The following SLIT2 variants were observed in gnomAD, a reference collection of about 807,000 sequenced individuals.
SLIT2 encodes the protein slit guidance ligand 2.
Under a neutral mutation model 185.7 loss-of-function variants are expected in SLIT2, and 41 were observed. The observed-to-expected ratio is 0.22, with a 90% confidence interval of 0.17 to 0.29. SLIT2 has a LOEUF of 0.29. Ranked by LOEUF, SLIT2 falls within the 10% of genes least tolerant of loss-of-function variation. The pLI, the probability that SLIT2 is intolerant of heterozygous loss-of-function variation, is 1.00. For synonymous variants in SLIT2, 693 were observed against 680.2 expected (o/e 1.02, Z -0.29); for missense variants, 1,571 against 1,909.0 (o/e 0.82, Z 3.30).
At chr4:20,507,277 G>A (rs989986331) in intron 9 of SLIT2, among the ~76,000 whole-genome samples, 1 of 151,762 alleles carries the variant, frequency 6.6e-6, no homozygotes, top group Non-Finnish European at 1.5e-5. Flanking sequence ...ATTAGTTGTA[G>A]ATTAATTACA....
chr4:20,267,385 T>C (rs531765981), intron 3 of SLIT2, among the ~76,000 whole-genome samples: 1 of 152,022 alleles, frequency 6.6e-6, no homozygotes, highest in Admixed American at 6.6e-5. Flanking sequence ...TTTATTAGTA[T>C]GCATTTTATT....
intron 3 of SLIT2, among the ~76,000 whole-genome samples, chr4:20,262,967 C>G (rs1389433867): frequency 6.6e-6 from 1 of 151,678 alleles, no homozygotes; most frequent in Non-Finnish European, 1.5e-5. Flanking sequence ...TTTATTTTTC[C>G]CACATCTGTT....
At chr4:20,583,430 A>C (rs1726766205) in intron 29 of SLIT2, among the ~76,000 whole-genome samples, 1 of 152,232 alleles carries the variant, frequency 6.6e-6, no homozygotes, top group Non-Finnish European at 1.5e-5. Flanking sequence ...AAATTTAAAC[A>C]CAAAGATAAC....
At chr4:20,332,479 C>T (rs1247844116) in intron 4 of SLIT2, among the ~76,000 whole-genome samples, 4 of 152,010 alleles carry the variant, frequency 2.6e-5, no homozygotes, top group Non-Finnish European at 5.9e-5. Flanking sequence ...GTCAGGAGTT[C>T]GAGACCAGCC....
At chr4:20,510,711 T>C (rs1232576968) in intron 10 of SLIT2, 145 bp downstream of exon 10, 2 of 570,758 alleles carry the variant, frequency 3.5e-6, no homozygotes, top group African/African-American at 3.7e-5. Flanking sequence ...AGCTCTGTAA[T>C]AATATTTTAA....
At chr4:20,500,581 T>A (rs1011668001) in intron 9 of SLIT2, among the ~76,000 whole-genome samples, 1 of 152,174 alleles carries the variant, frequency 6.6e-6, no homozygotes, top group African/African-American at 2.4e-5. Context: ...AAAAAGTGTC[T>A]TGTATCATAC....
intron 5 of SLIT2, among the ~76,000 whole-genome samples, chr4:20,470,532 G>A (rs910553627): frequency 1.0e-3 from 133 of 133,526 alleles, no homozygotes; most frequent in African/African-American, 3.5e-3. Flanking sequence ...GTGTGTGTGT[G>A]TAATGTAAGG....
intron 16 of SLIT2, among the ~76,000 whole-genome samples, chr4:20,530,577 CT>C (rs1721710920): frequency 6.6e-6 from 1 of 152,208 alleles, no homozygotes; most frequent in Non-Finnish European, 1.5e-5. Context: ...GACACTGCCC[CT>C]GGCCTAGCAC....
chr4:20,488,125 C>T (rs1717422311), intron 7 of SLIT2, among the ~76,000 whole-genome samples: 1 of 152,140 alleles, frequency 6.6e-6, no homozygotes, highest in African/African-American at 2.4e-5. Context: ...TGGAAGCAAT[C>T]CATGATCTTG....
At chr4:20,542,912 C>G (rs1722939869) in intron 21 of SLIT2, among the ~76,000 whole-genome samples, 1 of 150,514 alleles carries the variant, frequency 6.6e-6, no homozygotes, top group Non-Finnish European at 1.5e-5. Flanking sequence ...TACTATGACT[C>G]TTCAAGAAAC....
At chr4:20,313,912 G>C (rs890149841) in intron 4 of SLIT2, among the ~76,000 whole-genome samples, 1 of 152,198 alleles carries the variant, frequency 6.6e-6, no homozygotes, top group African/African-American at 2.4e-5. Flanking sequence ...CACTGGTCCA[G>C]GCCCAGGGGT....
intron 5 of SLIT2, among the ~76,000 whole-genome samples, chr4:20,472,533 GATATATCTATATCT>G (rs1245117317): frequency 1.4e-4 from 1 of 7,212 alleles, no homozygotes; most frequent in Non-Finnish European, 2.3e-4. Context: ...TCTATATATA[GATATATCTATATCT>G]ATATATAGAT....
At chr4:20,535,479 C>G (rs111302891) in intron 18 of SLIT2, among the ~76,000 whole-genome samples, 1 of 152,048 alleles carries the variant, frequency 6.6e-6, no homozygotes, top group Non-Finnish European at 1.5e-5. Context: ...CTGGAACCTT[C>G]TCCTGGCAGG....
intron 9 of SLIT2, among the ~76,000 whole-genome samples, chr4:20,494,620 A>T (rs1350219938): frequency 1.3e-5 from 2 of 151,982 alleles, no homozygotes. Flanking sequence ...ACTAAAAAAT[A>T]CAACAAAAAT....
chr4:20,599,014 A>T (rs1259212937), intron 33 of SLIT2, among the ~76,000 whole-genome samples: 1 of 152,140 alleles, frequency 6.6e-6, no homozygotes, highest in Non-Finnish European at 1.5e-5. Context: ...ACTGTGAGTA[A>T]CTTCAGGTTG....
intron 4 of SLIT2, among the ~76,000 whole-genome samples, chr4:20,386,630 T>C (rs180989855): frequency 8.9e-4 from 135 of 152,314 alleles, no homozygotes; most frequent in African/African-American, 3.1e-3. Context: ...CAACCACTGA[T>C]TTATTGAGAG....
intron 29 of SLIT2, among the ~76,000 whole-genome samples, chr4:20,571,961 G>A (rs28464575): frequency 0.031 from 4,761 of 152,254 alleles, 256 homozygotes; most frequent in African/African-American, 0.1. Context: ...CAATCTGACA[G>A]AGAAGTTATG....
chr4:20,554,089 A>C, intron 26 of SLIT2, 121 bp downstream of exon 26: 1 of 834,832 alleles, frequency 1.2e-6, no homozygotes, highest in South Asian at 1.9e-5. Flanking sequence ...TTATTTTTTC[A>C]GCCCATGCTT....
intron 4 of SLIT2, among the ~76,000 whole-genome samples, chr4:20,342,647 C>A (rs1577466458): frequency 6.9e-6 from 1 of 144,048 alleles, no homozygotes; most frequent in African/African-American, 2.6e-5. Context: ...TTATTTATTC[C>A]TTTTTTAACC....
Sources: gnomAD v4.1 joint callset for allele counts (sites outside exome capture counted in the v4.1 genomes callset) on GRCh38, gnomAD v4.1.1 for gene constraint, MANE v1.5 for transcripts, NCBI Gene and HGNC (gene_info 2026-07-23, HGNC 2026-07-21) for gene names.